Variants in ANKS1B observed in about 807,000 individuals in gnomAD.
ANKS1B encodes ankyrin repeat and sterile alpha motif domain containing 1B.
In ANKS1B, 36 loss-of-function variants were observed where a neutral mutation model predicts 148.3. That is an observed-to-expected ratio of 0.24 (90% CI 0.19 to 0.32). The LOEUF (loss-of-function observed/expected upper bound fraction) is 0.32, where lower values mean the gene tolerates loss of function less well. Ranked by LOEUF, ANKS1B falls within the 10% of genes least tolerant of loss-of-function variation. The probability of loss-of-function intolerance (pLI) is 1.00; values close to 1 mark genes in which losing one functional copy is unlikely to be tolerated. For synonymous variants in ANKS1B, 542 were observed against 560.8 expected, an observed-to-expected ratio of 0.97 and a Z score of 0.47; for missense variants, 1,157 against 1,542.6, an observed-to-expected ratio of 0.75 and a Z score of 4.19.
At chr12:99,819,765 A>G (rs778902051) in intron 2 of ANKS1B, among the ~76,000 whole-genome samples, 2 of 151,700 alleles carry the variant, frequency 1.3e-5, no homozygotes, top group Non-Finnish European at 3.0e-5. Context: ...ATAACCTCAC[A>G]GGGAAAGATA....
rs367845459 is a variant in ANKS1B at position 98,892,459 on chromosome 12, T to C, written c.2779-60323A>G. 1.7e-3 allele frequency among the ~76,000 whole-genome samples: 253 copies of C among 152,336 alleles called. 11 individuals are homozygous for C. In the South Asian group the frequency reaches 0.047, roughly 29 times the overall value. The stretch of plus-strand genomic sequence containing the variant: ...GTCAATTTATACCCTATTTCGAATA[T>C]GTAGACTAACTTTAAACAAATATAG... On this transcript the variant is annotated intron_variant, in intron 17 of 26. Coordinates refer to ENST00000683438, the MANE Select transcript of ANKS1B (RefSeq NM_001352186.2).
chr12:98,991,880 C>G (rs1297111726), intron 17 of ANKS1B, among the ~76,000 whole-genome samples: 1 of 152,084 alleles, frequency 6.6e-6, no homozygotes, highest in African/African-American at 2.4e-5. Context: ...CACTTATAAA[C>G]AAAGTACTGT....
chr12:98,928,283 G>A (rs1172410345), intron 17 of ANKS1B, among the ~76,000 whole-genome samples: 8 of 148,226 alleles, frequency 5.4e-5, no homozygotes, highest in Middle Eastern at 3.2e-3. Context: ...GATTGGATTC[G>A]TAATTAAAAA....
At chr12:99,740,536 A>C (rs1176662281) in intron 8 of ANKS1B, among the ~76,000 whole-genome samples, 1 of 152,170 alleles carries the variant, frequency 6.6e-6, no homozygotes, top group Non-Finnish European at 1.5e-5. Flanking sequence ...AATCACAAGG[A>C]TCAATGAGGG....
At chr12:98,763,489 C>T (rs2098440039) in intron 25 of ANKS1B, among the ~76,000 whole-genome samples, 1 of 152,148 alleles carries the variant, frequency 6.6e-6, no homozygotes, top group East Asian at 1.9e-4. Context: ...TTTTGGCTAA[C>T]TAAAAGAGCC....
intron 11 of ANKS1B, among the ~76,000 whole-genome samples, chr12:99,443,127 G>A (rs1174133629): frequency 1.3e-5 from 2 of 151,964 alleles, no homozygotes; most frequent in African/African-American, 4.8e-5. Flanking sequence ...AGAGGAAAGA[G>A]ACAGGAATGG....
chr12:99,476,495 T>C (rs889608701), intron 10 of ANKS1B, among the ~76,000 whole-genome samples: 1 of 151,908 alleles, frequency 6.6e-6, no homozygotes, highest in African/African-American at 2.4e-5. Context: ...AGATTAAGGG[T>C]TAATAACTGT....
At chr12:98,886,627 T>G (rs1353247676) in intron 17 of ANKS1B, among the ~76,000 whole-genome samples, 4 of 152,212 alleles carry the variant, frequency 2.6e-5, no homozygotes, top group Non-Finnish European at 2.9e-5. Flanking sequence ...GGAAAATTCT[T>G]AAGCAGACCA....
chr12:98,998,645 G>A (rs956461639), intron 17 of ANKS1B, among the ~76,000 whole-genome samples: 1 of 152,156 alleles, frequency 6.6e-6, no homozygotes, highest in Non-Finnish European at 1.5e-5. Flanking sequence ...AAGGTTAAAA[G>A]GTTGAAATGT....
At chr12:99,640,754 T>C (rs912185894) in intron 9 of ANKS1B, among the ~76,000 whole-genome samples, 3 of 152,178 alleles carry the variant, frequency 2.0e-5, no homozygotes, top group South Asian at 4.1e-4. Flanking sequence ...GGTAGATGGA[T>C]GGATGAATGG....
chr12:99,121,047 G>C (rs80114625), intron 15 of ANKS1B, among the ~76,000 whole-genome samples: 7,844 of 151,744 alleles, frequency 0.052, 426 homozygotes, highest in African/African-American at 0.13. Context: ...AATCAGTTGG[G>C]TCTATCCAAA....
At chr12:99,313,843 T>G (rs1391910563) in intron 12 of ANKS1B, among the ~76,000 whole-genome samples, 1 of 152,134 alleles carries the variant, frequency 6.6e-6, no homozygotes, top group Non-Finnish European at 1.5e-5. Context: ...AAGCATTCCC[T>G]TCGAAAACTG....
At chr12:99,495,378 T>TGTGTGC in intron 10 of ANKS1B, among the ~76,000 whole-genome samples, 1 of 150,856 alleles carries the variant, frequency 6.6e-6, no homozygotes, top group Non-Finnish European at 1.5e-5. Flanking sequence ...TGTGTGTGTG[T>TGTGTGC]GTAGTTTATA....
chr12:99,835,671 A>G (rs2084734225), intron 1 of ANKS1B, among the ~76,000 whole-genome samples: 1 of 152,220 alleles, frequency 6.6e-6, no homozygotes, highest in South Asian at 2.1e-4. Context: ...AGGACTAGCC[A>G]CATTTCAAAT....
Position 98,756,347 on chromosome 12 carries a change from C to T in ANKS1B, c.3580-4825G>A, listed in dbSNP as rs1280123884. Among the ~76,000 whole-genome samples the T allele has an allele frequency of 2.0e-5, 3 of 152,194 alleles. No individual in the cohort carries two copies. The East Asian group carries it at 5.8e-4, about 29-fold the overall frequency. ...TGCCACATAAGATGTGCCTTTGCTT[C>T]TTCTTTGTCTTCTGCCATAGGCCTC... On this transcript the variant is annotated intron_variant, in intron 25 of 26. Coordinates refer to ENST00000683438, the MANE Select transcript of ANKS1B (RefSeq NM_001352186.2).
At chr12:98,993,250 C>A (rs949450594) in intron 17 of ANKS1B, among the ~76,000 whole-genome samples, 2 of 152,166 alleles carry the variant, frequency 1.3e-5, no homozygotes, top group Non-Finnish European at 2.9e-5. Flanking sequence ...TCACTGAAAC[C>A]TCCACCTCCC....
chr12:98,796,674 T>C (rs1356875658), intron 22 of ANKS1B, among the ~76,000 whole-genome samples: 1 of 152,138 alleles, frequency 6.6e-6, no homozygotes, highest in Non-Finnish European at 1.5e-5. Flanking sequence ...GAAATAAGGG[T>C]TTATGATAGT....
rs190795524 is a variant in ANKS1B at position 99,571,653 on chromosome 12, G to A, written c.1273-67012C>T. On this transcript the variant is annotated intron_variant, in intron 9 of 26. Coordinates refer to ENST00000683438, the MANE Select transcript of ANKS1B (RefSeq NM_001352186.2). ...TAAGGTGATTTGATCCAGAACATTG[G>A]GGAATACTATTATTCAGAAAATGAT... 5.1e-4 allele frequency among the ~76,000 whole-genome samples: 77 copies of A among 152,158 alleles called. No homozygotes were observed. In the Middle Eastern group the frequency reaches 0.01, roughly 20 times the overall value.
chr12:98,766,802 A>C (rs2098486208), intron 25 of ANKS1B, among the ~76,000 whole-genome samples: 1 of 152,060 alleles, frequency 6.6e-6, no homozygotes, highest in South Asian at 2.1e-4. Flanking sequence ...AAAAGCACTC[A>C]AGAATTTAAA....
Sources: allele counts gnomAD v4.1 joint callset (sites outside exome capture counted in the v4.1 genomes callset), GRCh38; gene constraint gnomAD v4.1.1; transcripts MANE v1.5; gene names NCBI Gene and HGNC (gene_info 2026-07-23, HGNC 2026-07-21).